Variants in DPP10 observed in about 807,000 individuals in gnomAD.
DPP10 encodes inactive dipeptidyl peptidase 10.
DPP10 carries 33 observed loss-of-function variants against 120.9 expected under a neutral mutation model. That is an observed-to-expected ratio of 0.27 (90% CI 0.21 to 0.37). The LOEUF (loss-of-function observed/expected upper bound fraction) is 0.37, where lower values mean the gene tolerates loss of function less well. DPP10 is among the 10% of genes least tolerant of loss of function. The pLI is 1.00. For synonymous variants in DPP10, 337 were observed against 326.1 expected (o/e 1.03, Z -0.36); for missense variants, 816 against 942.8 (o/e 0.87, Z 1.76).
chr2:115,802,086 T>C (rs1685316274), intron 19 of DPP10, among the ~76,000 whole-genome samples: 2 of 152,174 alleles, frequency 1.3e-5, no homozygotes, highest in South Asian at 4.1e-4. Flanking sequence ...GTTGGTAAGC[T>C]ATTAATTATT....
intron 1 of DPP10, among the ~76,000 whole-genome samples, chr2:114,968,986 C>A (rs1006009798): frequency 6.6e-6 from 1 of 152,150 alleles, no homozygotes; most frequent in Admixed American, 6.5e-5. Context: ...CAACCAATTC[C>A]GTTCAGATTT....
chr2:115,752,996 T>C (rs1678942518), intron 10 of DPP10, among the ~76,000 whole-genome samples, 178 bp from the exon 11 acceptor site: 1 of 152,148 alleles, frequency 6.6e-6, no homozygotes, highest in African/African-American at 2.4e-5. Context: ...TATTTATATA[T>C]GTAAATATTG....
At chr2:115,155,048 C>T (rs1189034389) in intron 1 of DPP10, among the ~76,000 whole-genome samples, 10 of 151,880 alleles carry the variant, frequency 6.6e-5, no homozygotes, top group African/African-American at 2.4e-4. Flanking sequence ...CGTACCACCA[C>T]ACCAAGCTAA....
intron 1 of DPP10, among the ~76,000 whole-genome samples, chr2:115,112,715 C>T (rs370526367): frequency 1.6e-4 from 24 of 152,116 alleles, no homozygotes; most frequent in Middle Eastern, 3.4e-3. Context: ...GCTGAGGTAG[C>T]GGGGAGGTGT....
chr2:115,403,467 T>G (rs573547201), intron 3 of DPP10, among the ~76,000 whole-genome samples: 1 of 148,098 alleles, frequency 6.8e-6, no homozygotes, highest in African/African-American at 2.5e-5. Flanking sequence ...TGGCATAATC[T>G]CAGCTTACTG....
At chr2:115,042,690 T>C (rs1294979840) in intron 1 of DPP10, among the ~76,000 whole-genome samples, 1 of 152,226 alleles carries the variant, frequency 6.6e-6, no homozygotes, top group Non-Finnish European at 1.5e-5. Context: ...ACAAATGAGC[T>C]ATTCAAAGAG....
At chr2:114,965,803 G>T (rs1459278217) in intron 1 of DPP10, among the ~76,000 whole-genome samples, 1 of 151,256 alleles carries the variant, frequency 6.6e-6, no homozygotes, top group Non-Finnish European at 1.5e-5. Flanking sequence ...TGTCTCTACT[G>T]AAAATACAAA....
intron 1 of DPP10, among the ~76,000 whole-genome samples, chr2:115,011,060 T>A (rs573513477): frequency 5.3e-5 from 8 of 152,244 alleles, no homozygotes; most frequent in Non-Finnish European, 1.2e-4. Context: ...TAGGCATATC[T>A]TATTTAGTTT....
chr2:115,284,910 C>A (rs1213515479), intron 1 of DPP10, among the ~76,000 whole-genome samples: 2 of 151,984 alleles, frequency 1.3e-5, no homozygotes, highest in Non-Finnish European at 2.9e-5. Context: ...GTAATCATAT[C>A]AAATTATCAG....
intron 1 of DPP10, among the ~76,000 whole-genome samples, chr2:115,134,264 T>C (rs1035043853): frequency 1.3e-5 from 2 of 152,198 alleles, no homozygotes; most frequent in African/African-American, 4.8e-5. Context: ...CTATTAAATA[T>C]TTCCTAGTAG....
chr2:115,737,747 A>G (rs1013831787), intron 8 of DPP10, among the ~76,000 whole-genome samples: 6 of 152,192 alleles, frequency 3.9e-5, no homozygotes. Flanking sequence ...TTGTTTTCAA[A>G]GTCCAAAGAA....
At chr2:115,060,201 TTA>T (rs112525581) in intron 1 of DPP10, among the ~76,000 whole-genome samples, 3 of 148,142 alleles carry the variant, frequency 2.0e-5, no homozygotes, top group Non-Finnish European at 3.0e-5. Context: ...ATAAAGAAAT[TTA>T]TATATATATA....
intron 1 of DPP10, among the ~76,000 whole-genome samples, chr2:114,996,754 T>A (rs148178914): frequency 0.011 from 1,675 of 151,978 alleles, 32 homozygotes; most frequent in African/African-American, 0.038. Flanking sequence ...GAGGCCGAGG[T>A]GGGCAGATCA....
intron 1 of DPP10, among the ~76,000 whole-genome samples, chr2:115,178,964 A>C (rs2053891496): frequency 6.6e-6 from 1 of 152,250 alleles, no homozygotes; most frequent in Non-Finnish European, 1.5e-5. Flanking sequence ...CCAAACCATC[A>C]TAATCGAGGG....
intron 1 of DPP10, among the ~76,000 whole-genome samples, chr2:114,783,910 C>G (rs1314382336): frequency 1.3e-5 from 2 of 152,002 alleles, no homozygotes; most frequent in African/African-American, 4.8e-5. Flanking sequence ...CAGTTTTTCC[C>G]CTAGACAGAG....
chr2:115,263,483 A>T (rs2059336594), intron 1 of DPP10, among the ~76,000 whole-genome samples: 1 of 152,212 alleles, frequency 6.6e-6, no homozygotes, highest in Non-Finnish European at 1.5e-5. Context: ...TCTTTAACCA[A>T]TAACTGCTTA....
intron 1 of DPP10, among the ~76,000 whole-genome samples, chr2:114,733,831 C>T (rs976565232): frequency 4.6e-5 from 7 of 152,032 alleles, no homozygotes; most frequent in East Asian, 1.9e-4. Context: ...TATTTTCTTC[C>T]GTAGAAATAA....
At chr2:115,364,672 T>TA (rs1435603473) in intron 3 of DPP10, among the ~76,000 whole-genome samples, 1 of 151,706 alleles carries the variant, frequency 6.6e-6, no homozygotes, top group Non-Finnish European at 1.5e-5. Flanking sequence ...CTTTTATGCT[T>TA]AGCAATGTTT....
At chr2:114,599,329 A>G (rs193276906) in intron 1 of DPP10, among the ~76,000 whole-genome samples, 28 of 151,934 alleles carry the variant, frequency 1.8e-4, no homozygotes, top group African/African-American at 6.7e-4. Context: ...ACAACCTTTG[A>G]GGCTATATTC....
Sources: gnomAD v4.1 joint callset for allele counts (sites outside exome capture counted in the v4.1 genomes callset) on GRCh38, gnomAD v4.1.1 for gene constraint, MANE v1.5 for transcripts, NCBI Gene and HGNC (gene_info 2026-07-23, HGNC 2026-07-21) for gene names.